Variants in SLC35F4 observed in about 807,000 individuals in gnomAD.
The protein encoded by SLC35F4 is chromosome 14 open reading frame 36.
Under a neutral mutation model 44.2 loss-of-function variants are expected in SLC35F4, and 24 were observed. That is an observed-to-expected ratio of 0.54 (90% CI 0.39 to 0.76). The LOEUF is 0.76. Among genes scored for constraint, SLC35F4 ranks in the 30% least tolerant of loss-of-function variants. The pLI is 0.00. For synonymous variants in SLC35F4, 238 were observed against 223.6 expected, an observed-to-expected ratio of 1.06 and a Z score of -0.57; for missense variants, 562 against 586.1, an observed-to-expected ratio of 0.96 and a Z score of 0.42.
At chr14:57,737,196 T>C (rs2140494936) in intron 1 of SLC35F4, among the ~76,000 whole-genome samples, 1 of 151,936 alleles carries the variant, frequency 6.6e-6, no homozygotes, top group East Asian at 1.9e-4. Flanking sequence ...CCTAAAGTAG[T>C]AATTCCACTT....
At chr14:57,702,790 C>A (rs2140371094) in intron 1 of SLC35F4, among the ~76,000 whole-genome samples, 1 of 152,258 alleles carries the variant, frequency 6.6e-6, no homozygotes, top group East Asian at 1.9e-4. Context: ...TGAGCTGATT[C>A]AGTCTAATCC....
intron 1 of SLC35F4, among the ~76,000 whole-genome samples, chr14:57,668,873 A>G (rs2074411492): frequency 6.6e-6 from 1 of 152,088 alleles, no homozygotes. Flanking sequence ...GAACAAAGTC[A>G]TTGGTAGCTT....
At chr14:57,642,953 T>C (rs952514277) in intron 1 of SLC35F4, among the ~76,000 whole-genome samples, 12 of 152,010 alleles carry the variant, frequency 7.9e-5, no homozygotes, top group African/African-American at 2.9e-4. Flanking sequence ...CTTCTTGTTA[T>C]AGGACATCTA....
intron 1 of SLC35F4, among the ~76,000 whole-genome samples, chr14:57,659,947 G>T (rs1002330896): frequency 1.3e-5 from 2 of 152,178 alleles, no homozygotes; most frequent in African/African-American, 4.8e-5. Flanking sequence ...GAGCTAGTTA[G>T]TTGGAAGCAC....
At chr14:57,735,816 G>A (rs1239140002) in intron 1 of SLC35F4, among the ~76,000 whole-genome samples, 3 of 151,568 alleles carry the variant, frequency 2.0e-5, no homozygotes, top group African/African-American at 7.3e-5. Flanking sequence ...TCAAACTCCT[G>A]GGCTCAAGCA....
chr14:57,853,501 T>C (rs1731536876), intron 1 of SLC35F4, among the ~76,000 whole-genome samples: 1 of 152,146 alleles, frequency 6.6e-6, no homozygotes, highest in Admixed American at 6.5e-5. Flanking sequence ...GCAGCCATGA[T>C]TGGGAAACTT....
chr14:57,576,919 G>A (rs1259622031), intron 4 of SLC35F4, among the ~76,000 whole-genome samples: 1 of 152,140 alleles, frequency 6.6e-6, no homozygotes, highest in African/African-American at 2.4e-5. Context: ...GATTCCTTGA[G>A]GGTGTAAAAT....
chr14:57,658,919 A>G (rs73303888), intron 1 of SLC35F4, among the ~76,000 whole-genome samples: 3,952 of 152,234 alleles, frequency 0.026, 162 homozygotes, highest in African/African-American at 0.089. Context: ...TAGAAATAGA[A>G]CCTTCGAGTA....
chr14:57,584,108 T>C (rs2069509277), intron 3 of SLC35F4, among the ~76,000 whole-genome samples: 1 of 152,230 alleles, frequency 6.6e-6, no homozygotes, highest in Non-Finnish European at 1.5e-5. Context: ...GGCTCCAGTT[T>C]GATGCTATCT....
intron 1 of SLC35F4, among the ~76,000 whole-genome samples, chr14:57,913,722 G>A (rs1473027069): frequency 6.6e-6 from 1 of 151,990 alleles, no homozygotes; most frequent in East Asian, 1.9e-4. Context: ...ATATTAATTT[G>A]GAATTGTTTA....
At chr14:57,781,532 C>T (rs2077620677) in intron 1 of SLC35F4, among the ~76,000 whole-genome samples, 1 of 152,052 alleles carries the variant, frequency 6.6e-6, no homozygotes, top group Non-Finnish European at 1.5e-5. Flanking sequence ...AAAAGTGGAG[C>T]TCATATTTGA....
At chr14:57,595,103 T>C (rs2070414537) in intron 1 of SLC35F4, among the ~76,000 whole-genome samples, 1 of 152,262 alleles carries the variant, frequency 6.6e-6, no homozygotes, top group Non-Finnish European at 1.5e-5. Context: ...AGGACCCTAT[T>C]CAGGATACCA....
At chr14:57,788,575 C>A (rs888375367) in intron 1 of SLC35F4, among the ~76,000 whole-genome samples, 7 of 152,096 alleles carry the variant, frequency 4.6e-5, no homozygotes, top group Admixed American at 2.0e-4. Context: ...CTCTGTCAGA[C>A]CACAGTGGAA....
intron 1 of SLC35F4, among the ~76,000 whole-genome samples, chr14:57,939,728 A>G (rs1030949429): frequency 3.3e-5 from 5 of 152,228 alleles, no homozygotes; most frequent in East Asian, 1.9e-4. Context: ...ATTTTCCCCA[A>G]TGGGCTGGGA....
chr14:57,722,422 C>G (rs1047265059), intron 1 of SLC35F4, among the ~76,000 whole-genome samples: 1 of 152,124 alleles, frequency 6.6e-6, no homozygotes, highest in Admixed American at 6.5e-5. Context: ...TGGGAGGGTC[C>G]AGAAGATACA....
At chr14:57,705,791 C>T (rs1423544105) in intron 1 of SLC35F4, among the ~76,000 whole-genome samples, 2 of 152,152 alleles carry the variant, frequency 1.3e-5, no homozygotes, top group Non-Finnish European at 2.9e-5. Context: ...TAATTAAAGC[C>T]TTTGACTGCA....
intron 1 of SLC35F4, among the ~76,000 whole-genome samples, chr14:57,810,046 T>C (rs1014614416): frequency 6.6e-6 from 1 of 152,244 alleles, no homozygotes; most frequent in African/African-American, 2.4e-5. Flanking sequence ...TTTAAATCAC[T>C]ATTGTAGTCT....
intron 1 of SLC35F4, among the ~76,000 whole-genome samples, chr14:57,675,967 A>C (rs2140287331): frequency 6.6e-6 from 1 of 152,222 alleles, no homozygotes; most frequent in South Asian, 2.1e-4. Flanking sequence ...AAAAATAAAT[A>C]AATGGGACCC....
At chr14:57,786,282 G>A (rs978503532) in intron 1 of SLC35F4, among the ~76,000 whole-genome samples, 2 of 152,108 alleles carry the variant, frequency 1.3e-5, no homozygotes, top group African/African-American at 2.4e-5. Context: ...ATGAGTGTCT[G>A]AGCTCAGATA....
Sources: gnomAD v4.1 joint callset for allele counts (sites outside exome capture counted in the v4.1 genomes callset) on GRCh38, gnomAD v4.1.1 for gene constraint, MANE v1.5 for transcripts, NCBI Gene and HGNC (gene_info 2026-07-23, HGNC 2026-07-21) for gene names.